The following UNC5D variants were observed in gnomAD, a reference collection of about 807,000 sequenced individuals.
UNC5D encodes netrin receptor UNC5D.
In UNC5D, 39 loss-of-function variants were observed where a neutral mutation model predicts 105.4. That is an observed-to-expected ratio of 0.37 (90% CI 0.29 to 0.48). The LOEUF is 0.48. Among genes scored for constraint, UNC5D ranks in the 20% least tolerant of loss-of-function variants. UNC5D has a pLI of 0.98. For synonymous variants in UNC5D, 452 were observed against 450.4 expected (o/e 1.00, Z -0.04); for missense variants, 991 against 1,202.4 (o/e 0.82, Z 2.60).
At chr8:35,369,251 C>A (rs1297982987) in intron 1 of UNC5D, among the ~76,000 whole-genome samples, 2 of 152,120 alleles carry the variant, frequency 1.3e-5, no homozygotes, top group Non-Finnish European at 2.9e-5. Flanking sequence ...CACATGGAGT[C>A]CAGGCCTCCT....
intron 16 of UNC5D, among the ~76,000 whole-genome samples, chr8:35,790,087 C>G (rs1317787899): frequency 6.6e-6 from 1 of 152,022 alleles, no homozygotes; most frequent in Non-Finnish European, 1.5e-5. Flanking sequence ...GCACTCCAGC[C>G]TGGGTGACAG....
intron 1 of UNC5D, among the ~76,000 whole-genome samples, chr8:35,360,007 C>T (rs1801773606): frequency 6.6e-6 from 1 of 152,178 alleles, no homozygotes. Context: ...ACTTACAAAA[C>T]AGTTGCAAAA....
intron 11 of UNC5D, among the ~76,000 whole-genome samples, chr8:35,737,281 TG>T (rs1829519925): frequency 2.0e-5 from 3 of 149,572 alleles, no homozygotes; most frequent in South Asian, 2.1e-4. Context: ...TGTGTGTGTG[TG>T]TGTGTGTGTG....
intron 1 of UNC5D, among the ~76,000 whole-genome samples, chr8:35,486,177 T>G (rs1215787095): frequency 1.3e-5 from 2 of 152,200 alleles, no homozygotes; most frequent in African/African-American, 4.8e-5. Flanking sequence ...TTTCAGTAAT[T>G]TCCTAATTAG....
intron 1 of UNC5D, among the ~76,000 whole-genome samples, chr8:35,441,631 A>G (rs781291612): frequency 6.6e-6 from 1 of 151,846 alleles, no homozygotes; most frequent in Admixed American, 6.6e-5. Context: ...GACGTGGGTC[A>G]CTGGCTTTCA....
chr8:35,419,620 G>A (rs1805758010), intron 1 of UNC5D, among the ~76,000 whole-genome samples: 1 of 152,184 alleles, frequency 6.6e-6, no homozygotes, highest in Non-Finnish European at 1.5e-5. Context: ...ACAGCGCAGT[G>A]GATGGGAGGG....
intron 4 of UNC5D, among the ~76,000 whole-genome samples, chr8:35,629,363 G>A (rs370350947): frequency 3.9e-5 from 6 of 151,908 alleles, no homozygotes; most frequent in East Asian, 1.9e-4. Context: ...ATGTCTGTTC[G>A]TGTCCTTTGC....
At chr8:35,467,761 T>C (rs1809416353) in intron 1 of UNC5D, among the ~76,000 whole-genome samples, 1 of 152,098 alleles carries the variant, frequency 6.6e-6, no homozygotes, top group African/African-American at 2.4e-5. Context: ...TAGAACTCAT[T>C]CAAGATTACC....
chr8:35,661,810 A>G (rs2131234498), intron 4 of UNC5D, among the ~76,000 whole-genome samples: 1 of 152,232 alleles, frequency 6.6e-6, no homozygotes, highest in South Asian at 2.1e-4. Flanking sequence ...CAATCAAACT[A>G]AGAAACATAT....
At chr8:35,573,110 A>G (rs566529467) in intron 3 of UNC5D, among the ~76,000 whole-genome samples, 1 of 152,160 alleles carries the variant, frequency 6.6e-6, no homozygotes, top group African/African-American at 2.4e-5. Flanking sequence ...GCGCAATTTT[A>G]TATTTCTGAT....
At chr8:35,474,636 C>G (rs972741573) in intron 1 of UNC5D, among the ~76,000 whole-genome samples, 1 of 152,098 alleles carries the variant, frequency 6.6e-6, no homozygotes, top group African/African-American at 2.4e-5. Context: ...CTTGGAGGCC[C>G]CCTGTGGCGA....
intron 12 of UNC5D, 116 bp downstream of exon 12, chr8:35,748,811 T>C: frequency 8.1e-7 from 1 of 1,228,864 alleles, no homozygotes; most frequent in East Asian, 2.5e-5. Flanking sequence ...AAAGGGTTGG[T>C]GGCAAGTGTT....
intron 16 of UNC5D, among the ~76,000 whole-genome samples, chr8:35,778,904 C>G (rs554793430): frequency 6.6e-6 from 1 of 152,256 alleles, no homozygotes; most frequent in Non-Finnish European, 1.5e-5. Flanking sequence ...AAAAGCTTAG[C>G]AGTCGATGAG....
At chr8:35,254,241 G>C (rs1205505274) in intron 1 of UNC5D, 1 of 152,108 alleles carries the variant, frequency 6.6e-6, no homozygotes, top group Non-Finnish European at 1.5e-5. Context: ...GTAAATCATT[G>C]AACTAAATTG....
At chr8:35,249,193 C>T (rs1247623663) in intron 1 of UNC5D, among the ~76,000 whole-genome samples, 2 of 142,550 alleles carry the variant, frequency 1.4e-5, no homozygotes, top group African/African-American at 2.6e-5. Flanking sequence ...TCCATGTTGG[C>T]AGTAATATGT....
chr8:35,694,312 C>T (rs779943899), intron 7 of UNC5D, among the ~76,000 whole-genome samples: 4 of 152,076 alleles, frequency 2.6e-5, no homozygotes, highest in Non-Finnish European at 5.9e-5. Flanking sequence ...GGCTAAATAG[C>T]CCTCAAAGCT....
chr8:35,643,050 A>G (rs1586320648), intron 4 of UNC5D, among the ~76,000 whole-genome samples: 1 of 152,126 alleles, frequency 6.6e-6, no homozygotes, highest in Non-Finnish European at 1.5e-5. Context: ...TCTTGTCTAT[A>G]GGAGAAGTGA....
chr8:35,637,921 A>G (rs1007277835), intron 4 of UNC5D, among the ~76,000 whole-genome samples: 44 of 152,084 alleles, frequency 2.9e-4, no homozygotes, highest in African/African-American at 9.9e-4. Flanking sequence ...AACATACAAC[A>G]TGATAGACCA....
intron 1 of UNC5D, among the ~76,000 whole-genome samples, chr8:35,413,542 G>GGAT (rs999052162): frequency 7.3e-5 from 11 of 151,272 alleles, no homozygotes; most frequent in Non-Finnish European, 2.9e-5. Flanking sequence ...TTATTAAAGG[G>GGAT]GATGATGATG....
Sources: gnomAD v4.1 joint callset for allele counts (sites outside exome capture counted in the v4.1 genomes callset) on GRCh38, gnomAD v4.1.1 for gene constraint, MANE v1.5 for transcripts, NCBI Gene and HGNC (gene_info 2026-07-23, HGNC 2026-07-21) for gene names.